Variants in PTAFR observed in about 807,000 individuals in gnomAD.
PTAFR encodes platelet activating factor receptor.
In PTAFR, 8 loss-of-function variants were observed where a neutral mutation model predicts 14.7. The ratio of observed to expected loss-of-function variants is 0.54; its 90% CI spans 0.32 to 0.98. PTAFR has a LOEUF of 0.98. PTAFR is among the 50% of genes least tolerant of loss of function. PTAFR has a pLI of 0.04. For synonymous variants in PTAFR, 156 were observed against 176.5 expected, an observed-to-expected ratio of 0.88 and a Z score of 0.92; for missense variants, 337 against 451.2, an observed-to-expected ratio of 0.75 and a Z score of 2.29.
intron 1 of PTAFR, among the ~76,000 whole-genome samples, chr1:28,158,665 T>TC (rs1217100771): frequency 1.3e-5 from 2 of 151,992 alleles, no homozygotes; most frequent in African/African-American, 4.8e-5. Flanking sequence ...GCCACTGCAC[T>TC]CCAGCCTGGG....
chr1:28,151,336 T>C (rs1048842538), intron 1 of PTAFR, among the ~76,000 whole-genome samples: 1 of 152,054 alleles, frequency 6.6e-6, no homozygotes, highest in African/African-American at 2.4e-5. Context: ...TGCACCACCA[T>C]GCCTGGCTAG....
intron 1 of PTAFR, among the ~76,000 whole-genome samples, chr1:28,190,373 G>C (rs1468219348): frequency 6.6e-6 from 1 of 152,212 alleles, no homozygotes; most frequent in African/African-American, 2.4e-5. Flanking sequence ...CTCTGGGAAA[G>C]AGGGGGTGGA....
At chr1:28,183,100 AAAAAG>A (rs1471949500) in intron 1 of PTAFR, among the ~76,000 whole-genome samples, 2 of 152,194 alleles carry the variant, frequency 1.3e-5, no homozygotes, top group Non-Finnish European at 1.5e-5. Flanking sequence ...AACAGCAGTG[AAAAAG>A]AAAACTGTCC....
chr1:28,179,220 C>A (rs1167798150), upstream of PTAFR, among the ~76,000 whole-genome samples: 1 of 152,168 alleles, frequency 6.6e-6, no homozygotes, highest in African/African-American at 2.4e-5. Context: ...AGCCACCACC[C>A]TCCAGGAGGG....
intron 1 of PTAFR, among the ~76,000 whole-genome samples, chr1:28,171,319 T>C (rs1278863116): frequency 1.4e-5 from 2 of 147,118 alleles, no homozygotes; most frequent in South Asian, 2.1e-4. Context: ...CGAGACTCCA[T>C]CTCAAAAAAA....
At chr1:28,169,257 G>A (rs368244739) in intron 1 of PTAFR, among the ~76,000 whole-genome samples, 1 of 150,358 alleles carries the variant, frequency 6.7e-6, no homozygotes, top group Non-Finnish European at 1.5e-5. Flanking sequence ...CAAAATGCAT[G>A]CTAAGAGAGT....
intron 1 of PTAFR, among the ~76,000 whole-genome samples, chr1:28,187,052 A>G (rs1646613254): frequency 1.3e-5 from 2 of 152,160 alleles, no homozygotes. Context: ...CGGCCTCCCA[A>G]AGTTCTGGGA....
intron 1 of PTAFR, among the ~76,000 whole-genome samples, chr1:28,169,368 G>C (rs534444903): frequency 6.6e-6 from 1 of 152,036 alleles, no homozygotes; most frequent in Admixed American, 6.5e-5. Flanking sequence ...TTAAGTTAGA[G>C]TCATATGACT....
At chr1:28,160,244 A>C (rs922601175) in intron 1 of PTAFR, among the ~76,000 whole-genome samples, 6 of 151,942 alleles carry the variant, frequency 3.9e-5, no homozygotes, top group Admixed American at 3.3e-4. Flanking sequence ...ATTAAAAAAA[A>C]AAAAAAGACA....
At position 28,148,598 on chromosome 1, in the gene PTAFR, A is replaced by T. The variant is rs1401323891; in HGVS notation, c.*1395T>A. On this transcript the variant is annotated 3_prime_UTR_variant, in exon 2 of 2. Coordinates refer to ENST00000373857, the MANE Select transcript of PTAFR (RefSeq NM_000952.5). ...CCTCCCAGTAGCTACAGCCTATGGG[A>T]CTACAGGCATGCGCCACCACGCCAG... is the stretch of plus-strand genomic sequence containing the variant. 3 of 152,420 alleles carry T rather than the reference A, an allele frequency of 2.0e-5. No individual in the cohort carries two copies. The allele number at this position is 152,420 out of a possible 1,614,324, so 9.4% of individuals were successfully genotyped here.
chr1:28,190,158 G>A (rs1282442826), intron 1 of PTAFR, among the ~76,000 whole-genome samples: 4 of 151,582 alleles, frequency 2.6e-5, no homozygotes, highest in Non-Finnish European at 5.9e-5. Flanking sequence ...TTTTAGTAGA[G>A]ACGGGGTTTC....
chr1:28,175,472 C>T (rs1646503071), intron 1 of PTAFR, among the ~76,000 whole-genome samples: 1 of 152,012 alleles, frequency 6.6e-6, no homozygotes, highest in African/African-American at 2.4e-5. Flanking sequence ...ACACACCACC[C>T]CAAACACCTG....
chr1:28,191,099 C>T (rs1323215559), intron 1 of PTAFR, among the ~76,000 whole-genome samples: 1 of 152,204 alleles, frequency 6.6e-6, no homozygotes, highest in Non-Finnish European at 1.5e-5. Flanking sequence ...CTCTTCAGCT[C>T]GGGAGCAAAG....
chr1:28,165,612 T>C (rs1646376949), intron 1 of PTAFR, among the ~76,000 whole-genome samples: 2 of 150,430 alleles, frequency 1.3e-5, no homozygotes, highest in African/African-American at 4.9e-5. Flanking sequence ...TGAAACCCCG[T>C]CTCTACTAAA....
intron 1 of PTAFR, among the ~76,000 whole-genome samples, chr1:28,174,439 T>G (rs1646490050): frequency 6.6e-6 from 1 of 152,128 alleles, no homozygotes; most frequent in Non-Finnish European, 1.5e-5. Context: ...TCCCAGCCTC[T>G]CCTCATACCT....
upstream of PTAFR, among the ~76,000 whole-genome samples, chr1:28,179,815 G>A (rs192389024): frequency 2.6e-5 from 4 of 151,048 alleles, no homozygotes; most frequent in African/African-American, 7.3e-5. Flanking sequence ...CTCCAGCCTG[G>A]GTGGAAAAAA....
intron 1 of PTAFR, among the ~76,000 whole-genome samples, chr1:28,182,102 G>A (rs1390749908): frequency 3.3e-5 from 5 of 151,168 alleles, no homozygotes; most frequent in Non-Finnish European, 7.4e-5. Context: ...TTGGGAGGCC[G>A]AGGTGGGTGG....
intron 1 of PTAFR, among the ~76,000 whole-genome samples, chr1:28,170,576 G>A (rs964828052): frequency 5.3e-5 from 8 of 152,118 alleles, no homozygotes; most frequent in African/African-American, 1.7e-4. Flanking sequence ...AGCCAGGCAT[G>A]GTGGCACATG....
At chr1:28,190,783 T>C (rs893381295) in intron 1 of PTAFR, among the ~76,000 whole-genome samples, 5 of 152,090 alleles carry the variant, frequency 3.3e-5, no homozygotes, top group Non-Finnish European at 5.9e-5. Context: ...CCCTGAATCT[T>C]CTCTTCCTCC....
Sources: gnomAD v4.1 joint callset for allele counts (sites outside exome capture counted in the v4.1 genomes callset) on GRCh38, gnomAD v4.1.1 for gene constraint, MANE v1.5 for transcripts, NCBI Gene and HGNC (gene_info 2026-07-23, HGNC 2026-07-21) for gene names.